The following WDHD1 variants were observed in gnomAD, a reference collection of about 807,000 sequenced individuals.
The protein encoded by WDHD1 is WD repeat and HMG-box DNA binding protein 1.
Under a neutral mutation model 135.4 loss-of-function variants are expected in WDHD1, and 111 were observed. The observed-to-expected ratio is 0.82, with a 90% confidence interval of 0.70 to 0.96. The LOEUF is 0.96. Among genes scored for constraint, WDHD1 ranks in the 40% least tolerant of loss-of-function variants. The pLI is 0.00. For missense variants in WDHD1, 1,351 were observed against 1,336.3 expected (o/e 1.01, Z -0.17); for synonymous variants, 434 against 439.0 (o/e 0.99, Z 0.14).
intron 3 of WDHD1, among the ~76,000 whole-genome samples, chr14:55,011,782 AAT>A (rs2042175347): frequency 6.6e-6 from 1 of 152,024 alleles, no homozygotes; most frequent in Non-Finnish European, 1.5e-5. Flanking sequence ...TTCTGATGAA[AAT>A]AGATACCCTA....
At position 55,026,803 on chromosome 14, in the gene WDHD1, T is replaced by C; in HGVS notation, c.-16A>G. The C allele has an allele frequency of 6.2e-7, 1 of 1,613,858 alleles. No individual in the cohort carries two copies. Among genetic ancestry groups the C allele is most frequent in the Non-Finnish European group, 8.5e-7 (1 of 1,179,744 alleles). On this transcript the variant is annotated splice_region_variant and 5_prime_UTR_variant, in exon 2 of 26. Transcript: ENST00000360586. ...TGGCAGGCATGTTTTCCTTTACCTA[T>C]CTGAAAATGTTTTATAAAAGCCAGT... is the stretch of plus-strand genomic sequence containing the variant.
intron 16 of WDHD1, among the ~76,000 whole-genome samples, chr14:54,976,524 A>T (rs1285279906): frequency 3.3e-5 from 5 of 152,186 alleles, no homozygotes; most frequent in Non-Finnish European, 7.3e-5. Context: ...TAGCCAAAAT[A>T]GGTAAGGCTC....
chr14:54,942,469 G>A (rs1427287776), intron 25 of WDHD1, among the ~76,000 whole-genome samples: 2 of 152,004 alleles, frequency 1.3e-5, no homozygotes, highest in Non-Finnish European at 2.9e-5. Flanking sequence ...CTACTCATTT[G>A]AGCGTATGTA....
intron 18 of WDHD1, among the ~76,000 whole-genome samples, 192 bp from the exon 19 acceptor site, chr14:54,963,364 T>A (rs112893906): frequency 1.1e-4 from 16 of 152,256 alleles, no homozygotes; most frequent in African/African-American, 3.9e-4. Flanking sequence ...TAATGGTGGG[T>A]CAGTTTGGCA....
At chr14:54,981,471 G>A (rs1306690911) in intron 16 of WDHD1, 69 bp downstream of exon 16, 2 of 1,423,310 alleles carry the variant, frequency 1.4e-6, no homozygotes, top group Middle Eastern at 1.8e-4. Flanking sequence ...ACACTTAAAG[G>A]GCCTCATAAA....
intron 22 of WDHD1, among the ~76,000 whole-genome samples, 154 bp from the exon 23 acceptor site, chr14:54,957,358 G>T (rs756029375): frequency 1.3e-5 from 2 of 152,066 alleles, no homozygotes; most frequent in African/African-American, 2.4e-5. Context: ...AGAATGATAC[G>T]TATATTCCCA....
intron 7 of WDHD1, among the ~76,000 whole-genome samples, chr14:55,003,121 T>A (rs1197393950): frequency 6.6e-6 from 1 of 152,174 alleles, no homozygotes; most frequent in Non-Finnish European, 1.5e-5. Flanking sequence ...TTTTAAAAAA[T>A]TTTTAAATTA....
intron 21 of WDHD1, 132 bp from the exon 22 acceptor site, chr14:54,957,767 T>A: frequency 1.5e-6 from 1 of 670,794 alleles, no homozygotes; most frequent in Non-Finnish European, 2.5e-6. Flanking sequence ...TCAAAACTAT[T>A]AACAACAGAT....
At chr14:55,015,404 A>AC (rs1309144806) in intron 2 of WDHD1, among the ~76,000 whole-genome samples, 1 of 148,606 alleles carries the variant, frequency 6.7e-6, no homozygotes, top group Non-Finnish European at 1.5e-5. Flanking sequence ...AAAAAAAAAA[A>AC]AGGCTAGGGT....
At chr14:54,970,764 C>CA (rs956579291) in intron 16 of WDHD1, among the ~76,000 whole-genome samples, 4 of 151,896 alleles carry the variant, frequency 2.6e-5, no homozygotes, top group African/African-American at 4.8e-5. Flanking sequence ...CATATGGAAC[C>CA]AAAAAAGAGC....
rs60615259 is a variant in WDHD1, at chr14:55,011,524, C to CAAAAAA, written c.190-1070_190-1065dup. Among the ~76,000 whole-genome samples the CAAAAAA allele has an allele frequency of 8.9e-3, 455 of 50,992 alleles. 67 individuals are homozygous for CAAAAAA. Among genetic ancestry groups the CAAAAAA allele is most frequent in the African/African-American group, 0.035 (430 of 12,336 alleles). 33.5% of individuals were successfully genotyped at this position (50,992 alleles called of 152,430 possible). On this transcript the variant is annotated intron_variant, in intron 3 of 25. Coordinates refer to ENST00000360586, the MANE Select transcript of WDHD1 (RefSeq NM_007086.4). ...AGGCAACAAGAGTGAAACTCTGTCT[C>CAAAAAA]AAAAAAAAAAAAAAAAAAAAAAAAA... is the stretch of plus-strand genomic sequence containing the variant.
intron 16 of WDHD1, among the ~76,000 whole-genome samples, chr14:54,968,830 C>G (rs959101886): frequency 1.3e-5 from 2 of 152,194 alleles, no homozygotes; most frequent in South Asian, 4.2e-4. Context: ...CACTTGAGGT[C>G]AGAAGTTTGA....
At chr14:54,971,866 A>G (rs2041439413) in intron 16 of WDHD1, among the ~76,000 whole-genome samples, 1 of 152,174 alleles carries the variant, frequency 6.6e-6, no homozygotes, top group African/African-American at 2.4e-5. Context: ...AAAGTGGGCA[A>G]AGGACATGAA....
intron 16 of WDHD1, among the ~76,000 whole-genome samples, chr14:54,970,785 A>G (rs1321708341): frequency 1.3e-5 from 2 of 152,206 alleles, no homozygotes; most frequent in East Asian, 3.8e-4. Flanking sequence ...CCAAATAGCC[A>G]AAGGATCTAA....
chr14:54,980,741 T>C (rs752921160), intron 16 of WDHD1, among the ~76,000 whole-genome samples: 1 of 139,020 alleles, frequency 7.2e-6, no homozygotes, highest in Non-Finnish European at 1.5e-5. Context: ...AAAGTGGAGG[T>C]TGTAGTGAAC....
intron 7 of WDHD1, among the ~76,000 whole-genome samples, chr14:55,004,028 T>G (rs562030889): frequency 1.3e-5 from 2 of 152,370 alleles, no homozygotes; most frequent in South Asian, 4.1e-4. Flanking sequence ...TGACTAATAT[T>G]TTGTACCATG....
intron 2 of WDHD1, among the ~76,000 whole-genome samples, chr14:55,020,665 TCAGC>T (rs1439754786): frequency 1.3e-5 from 2 of 152,208 alleles, no homozygotes; most frequent in Admixed American, 6.5e-5. Flanking sequence ...CTGGAAGGTA[TCAGC>T]CAAAGATGTA....
At chr14:54,953,056 T>C (rs960677837) in intron 24 of WDHD1, among the ~76,000 whole-genome samples, 1 of 152,094 alleles carries the variant, frequency 6.6e-6, no homozygotes, top group Non-Finnish European at 1.5e-5. Flanking sequence ...ATTCAGGATA[T>C]AGGAATGTGC....
intron 15 of WDHD1, among the ~76,000 whole-genome samples, chr14:54,982,419 G>A (rs1339157982): frequency 6.6e-6 from 1 of 152,154 alleles, no homozygotes; most frequent in Non-Finnish European, 1.5e-5. Context: ...TGATCTTTAC[G>A]AAATTTATCT....
Sources: gnomAD v4.1 joint callset for allele counts (sites outside exome capture counted in the v4.1 genomes callset) on GRCh38, gnomAD v4.1.1 for gene constraint, MANE v1.5 for transcripts, NCBI Gene and HGNC (gene_info 2026-07-23, HGNC 2026-07-21) for gene names.